The following SH3GL3 variants were observed in gnomAD, a reference collection of about 807,000 sequenced individuals.
SH3GL3 encodes endophilin-A3.
In SH3GL3, 33 loss-of-function variants were observed where a neutral mutation model predicts 47.7. The observed-to-expected ratio is 0.69, with a 90% CI of 0.52 to 0.92. SH3GL3 has a LOEUF of 0.92. Among genes scored for constraint, SH3GL3 ranks in the 40% least tolerant of loss-of-function variants. SH3GL3 has a pLI of 0.00. For missense variants in SH3GL3, 363 were observed against 417.8 expected (o/e 0.87, Z 1.14); for synonymous variants, 155 against 148.8 (o/e 1.04, Z -0.30).
At chr15:83,561,209 A>G (rs1487953279) in intron 2 of SH3GL3, among the ~76,000 whole-genome samples, 2 of 152,178 alleles carry the variant, frequency 1.3e-5, no homozygotes, top group Non-Finnish European at 2.9e-5. Flanking sequence ...TGGAACAAAT[A>G]TGGTTATCAA....
chr15:83,585,726 C>A (rs778951763), intron 6 of SH3GL3, among the ~76,000 whole-genome samples: 2 of 152,144 alleles, frequency 1.3e-5, no homozygotes, highest in Admixed American at 1.3e-4. Context: ...TGTTGCTTTT[C>A]CAGCCACAGA....
At chr15:83,456,383 C>G (rs2039962624) in intron 1 of SH3GL3, among the ~76,000 whole-genome samples, 1 of 44,314 alleles carries the variant, frequency 2.3e-5, no homozygotes, top group African/African-American at 7.1e-5. Context: ...CAAGCCTGGG[C>G]AATGGCGGGC....
At chr15:83,509,460 A>G (rs939868005) in intron 1 of SH3GL3, among the ~76,000 whole-genome samples, 4 of 152,138 alleles carry the variant, frequency 2.6e-5, no homozygotes, top group Admixed American at 2.6e-4. Context: ...CTTCCTAACT[A>G]TTTAGTAGAC....
rs1054725324 is a variant in SH3GL3 at position 83,513,362 on chromosome 15, A to C, written c.46-45891A>C. On this transcript the variant is annotated intron_variant, in intron 1 of 8. Transcript: ENST00000427482. Reference sequence around the variant, plus strand: ...ATAAGGCATGGTGTCAAGAGGTTTCATGATCTTATTCCACCTCCTTTTCAG... The same window carrying C: ...ATAAGGCATGGTGTCAAGAGGTTTCCTGATCTTATTCCACCTCCTTTTCAG... 6.6e-4 allele frequency among the ~76,000 whole-genome samples: 100 copies of C among 152,214 alleles called. 1 individual carries two copies. The highest frequency in any genetic ancestry group is 2.3e-3 in the African/African-American group (97 of 41,444).
At chr15:83,622,314 CT>C (rs956545593), downstream of SH3GL3, among the ~76,000 whole-genome samples, 62 of 152,326 alleles carry the variant, frequency 4.1e-4, no homozygotes, top group African/African-American at 1.5e-3. Context: ...CACAATGTGT[CT>C]GTTCATGTAT....
chr15:83,592,863 C>G (rs1440715200), intron 8 of SH3GL3, among the ~76,000 whole-genome samples: 1 of 152,164 alleles, frequency 6.6e-6, no homozygotes, highest in Non-Finnish European at 1.5e-5. Context: ...CTACCCTCAT[C>G]TCTTCTGTTT....
At chr15:83,625,479 G>T in the SH3GL3 span, among the ~76,000 whole-genome samples, 1 of 152,132 alleles carries the variant, frequency 6.6e-6, no homozygotes, top group Non-Finnish European at 1.5e-5. Context: ...ACAGCTAATT[G>T]GACCAAGGAC....
intron 8 of SH3GL3, among the ~76,000 whole-genome samples, chr15:83,601,945 T>A (rs1263278162): frequency 6.7e-6 from 1 of 148,336 alleles, no homozygotes; most frequent in Admixed American, 6.7e-5. Flanking sequence ...CTAGTTTGTG[T>A]CTCAAAAAAA....
intron 8 of SH3GL3, among the ~76,000 whole-genome samples, chr15:83,589,561 G>T (rs1311282610): frequency 6.6e-6 from 1 of 151,884 alleles, no homozygotes; most frequent in Non-Finnish European, 1.5e-5. Context: ...ATTTTTTGTA[G>T]AGACAAGGTC....
chr15:83,485,604 C>A (rs2041559524), intron 1 of SH3GL3, among the ~76,000 whole-genome samples: 1 of 152,202 alleles, frequency 6.6e-6, no homozygotes, highest in Non-Finnish European at 1.5e-5. Flanking sequence ...CTGCCTCAGC[C>A]TCCCAAGTCG....
At chr15:83,474,134 A>G (rs1269685970) in intron 1 of SH3GL3, among the ~76,000 whole-genome samples, 2 of 152,150 alleles carry the variant, frequency 1.3e-5, no homozygotes, top group Non-Finnish European at 2.9e-5. Flanking sequence ...CCTCTGTGCT[A>G]CCCAATTTTA....
chr15:83,608,801 A>G (rs920595464), intron 8 of SH3GL3, among the ~76,000 whole-genome samples: 2 of 134,944 alleles, frequency 1.5e-5, no homozygotes, highest in African/African-American at 5.5e-5. Flanking sequence ...TGGTGCAGGT[A>G]CAGTCAAACC....
At chr15:83,482,158 T>C (rs2041386019) in intron 1 of SH3GL3, among the ~76,000 whole-genome samples, 1 of 152,220 alleles carries the variant, frequency 6.6e-6, no homozygotes, top group Non-Finnish European at 1.5e-5. Flanking sequence ...GCATTTCTTT[T>C]GTGAATTGCC....
chr15:83,456,460 G>A (rs1292411232), intron 1 of SH3GL3, among the ~76,000 whole-genome samples: 3 of 65,174 alleles, frequency 4.6e-5, no homozygotes, highest in Non-Finnish European at 6.6e-5. Context: ...CAATCAGCGC[G>A]ATTCCGTGGG....
intron 1 of SH3GL3, among the ~76,000 whole-genome samples, chr15:83,554,340 A>T (rs1297703142): frequency 2.6e-5 from 4 of 152,066 alleles, no homozygotes; most frequent in Non-Finnish European, 5.9e-5. Context: ...GGCATGCGCC[A>T]CCACACCCAG....
chr15:83,472,534 T>C (rs2040879469), intron 1 of SH3GL3, among the ~76,000 whole-genome samples: 1 of 152,230 alleles, frequency 6.6e-6, no homozygotes, highest in Admixed American at 6.5e-5. Flanking sequence ...TCAGTTATTT[T>C]ATTTTTCAGT....
At chr15:83,480,510 T>C (rs961891536) in intron 1 of SH3GL3, among the ~76,000 whole-genome samples, 2 of 152,204 alleles carry the variant, frequency 1.3e-5, no homozygotes, top group African/African-American at 4.8e-5. Context: ...CCTGGGAGGA[T>C]TGCAAGGCTC....
chr15:83,495,781 G>C (rs1023934908), intron 1 of SH3GL3, among the ~76,000 whole-genome samples: 2 of 152,016 alleles, frequency 1.3e-5, no homozygotes, highest in Admixed American at 6.6e-5. Flanking sequence ...TCCATGTTAA[G>C]GTTGTCTGTC....
chr15:83,542,945 A>G (rs1034238739), intron 1 of SH3GL3, among the ~76,000 whole-genome samples: 1 of 151,800 alleles, frequency 6.6e-6, no homozygotes, highest in East Asian at 1.9e-4. Flanking sequence ...TCCAATTTAG[A>G]TCCCTTTTTT....
Sources: allele counts gnomAD v4.1 joint callset (sites outside exome capture counted in the v4.1 genomes callset), GRCh38; gene constraint gnomAD v4.1.1; transcripts MANE v1.5; gene names NCBI Gene and HGNC (gene_info 2026-07-23, HGNC 2026-07-21).